Variants in ZNF544 observed in about 807,000 individuals in gnomAD.
ZNF544 encodes the protein zinc finger protein AF020591.
Under a neutral mutation model 13.5 loss-of-function variants are expected in ZNF544, and 10 were observed. The ratio of observed to expected loss-of-function variants is 0.74; its 90% CI spans 0.46 to 1.25. The LOEUF (loss-of-function observed/expected upper bound fraction) is 1.25. ZNF544 is among the 50% of genes most tolerant of loss of function. The pLI is 0.00. For missense variants in ZNF544, 896 were observed against 845.6 expected (o/e 1.06, Z -0.74); for synonymous variants, 323 against 300.5 (o/e 1.07, Z -0.77).
chr19:58,237,913 C>G (rs1356437848), intron 3 of ZNF544, among the ~76,000 whole-genome samples: 1 of 152,186 alleles, frequency 6.6e-6, no homozygotes, highest in African/African-American at 2.4e-5. Flanking sequence ...TTCCATGAGA[C>G]TGACAGACGT....
At chr19:58,245,671 A>G (rs56318718) in intron 4 of ZNF544, 1 of 158,266 alleles carries the variant, frequency 6.3e-6, no homozygotes, top group African/African-American at 2.4e-5. Flanking sequence ...AGTTTATTCT[A>G]TAGCATTAGC....
In ZNF544 at chr19:58,263,610, TCTAGC is replaced by T. The variant is rs1312239282; in HGVS notation, c.*858_*862del. 1 of 979,416 alleles carries T rather than the reference TCTAGC, an allele frequency of 1.0e-6. No individual in the cohort carries two copies. The highest frequency in any genetic ancestry group is 6.1e-5 in the Admixed American group (1 of 16,262). 60.7% of individuals were successfully genotyped at this position (979,416 alleles called of 1,614,324 possible). A position where few individuals can be genotyped will look rare whatever the true frequency, so the allele number is the denominator to read the frequency against. ...TGAAACTGTGTATTACCAAGCTCAC[TCTAGC>T]CAACTAAATAAAAATCTCTGGCAGT... On this transcript the variant is annotated 3_prime_UTR_variant, in exon 7 of 7. Transcript: ENST00000687789.
Position 58,262,431 on chromosome 19 carries a change from T to C in ZNF544, c.1825T>C (p.Cys609Arg), listed in dbSNP as rs748582349. 5.1e-5 allele frequency: 82 copies of C among 1,613,960 alleles called. No individual in the cohort carries two copies. Among genetic ancestry groups the C allele is most frequent in the Non-Finnish European group, 6.7e-5 (79 of 1,180,018 alleles). ...TGEKPYECNE[C>R]GKAFNRSTQL... The stretch of plus-strand genomic sequence containing the variant: ...AGAAAAGCCCTATGAATGTAACGAG[T>C]GTGGAAAAGCCTTCAATCGAAGCAC... The change falls in exon 7 of 7, where the codon TGT becomes CGT. Residue 609 changes from cysteine to arginine, a missense_variant. Physicochemically the swap from Cys to Arg is radical, Grantham distance 180. Coordinates refer to ENST00000687789, the MANE Select transcript of ZNF544 (RefSeq NM_014480.4).
intron 6 of ZNF544, chr19:58,251,366 G>T (rs767996991): frequency 1.9e-6 from 1 of 518,956 alleles, no homozygotes; most frequent in Non-Finnish European, 3.8e-6. Context: ...TCAGGTTCCC[G>T]GTCTGGGACT....
At chr19:58,236,694 T>G (rs2042464144) in intron 3 of ZNF544, among the ~76,000 whole-genome samples, 1 of 151,884 alleles carries the variant, frequency 6.6e-6, no homozygotes, top group Non-Finnish European at 1.5e-5. Flanking sequence ...CTGTAGACCT[T>G]ATTTAGCATT....
rs1568460699 is a variant in ZNF544, at chr19:58,241,162, A to ATAT, written c.-59-2803_-59-2802insTAT. ...AATTTAAAATATATATATATATTTA[A>ATAT]ATATATATATATATATATTTTTTTT... On this transcript the variant is annotated intron_variant, in intron 3 of 6. Transcript: ENST00000687789. Among the ~76,000 whole-genome samples, 169 of 89,068 alleles carry ATAT rather than the reference A, an allele frequency of 1.9e-3. 9 individuals carry two copies. Among genetic ancestry groups the ATAT allele is most frequent in the East Asian group, 5.8e-3 (14 of 2,414 alleles). 58.4% of individuals were successfully genotyped at this position (89,068 alleles called of 152,430 possible). A position where few individuals can be genotyped will look rare whatever the true frequency, so the allele number is the denominator to read the frequency against.
intron 6 of ZNF544, chr19:58,258,516 G>A (rs1218249467): frequency 6.1e-5 from 6 of 98,750 alleles, no homozygotes; most frequent in African/African-American, 2.9e-4. Context: ...GGTGCTGGGT[G>A]TGAGGGCACC....
At chr19:58,268,588 T>C (rs2050226494), downstream of ZNF544, among the ~76,000 whole-genome samples, 1 of 152,232 alleles carries the variant, frequency 6.6e-6, no homozygotes, top group Non-Finnish European at 1.5e-5. Context: ...TTTTATTCCT[T>C]AGGCAGTTTG....
chr19:58,243,965 A>C lies in ZNF544; in HGVS notation c.-59A>C. On this transcript the variant is annotated splice_region_variant and 5_prime_UTR_variant, in exon 4 of 7. Transcript: ENST00000687789. Reference sequence around the variant, plus strand: ...AATCTCTGCTTGTTTTCCACCCCAGACTGGTCTTCTGAGGACCTCTGCCCT... The same window carrying C: ...AATCTCTGCTTGTTTTCCACCCCAGCCTGGTCTTCTGAGGACCTCTGCCCT... 6.4e-7 allele frequency: 1 copy of C among 1,567,174 alleles called. No individual in the cohort carries two copies. The highest frequency in any genetic ancestry group is 8.7e-7 in the Non-Finnish European group (1 of 1,155,308).
chr19:58,260,890 A>G lies in ZNF544; in HGVS notation c.284A>G (p.Glu95Gly), dbSNP rs1168618195. 11 of 1,610,554 alleles carry G rather than the reference A, an allele frequency of 6.8e-6. No homozygotes were observed. The highest frequency in any genetic ancestry group is 9.3e-6 in the Non-Finnish European group (11 of 1,178,932). The change falls in exon 7 of 7, where the codon GAA becomes GGA. Residue 95 changes from glutamate (E) to glycine (G), a missense_variant. By Grantham distance (98) the Glu-to-Gly change is moderately conservative. Coordinates refer to ENST00000687789, the MANE Select transcript of ZNF544 (RefSeq NM_014480.4). ...ATLEENRLNSEKDRAREELSH... is the reference protein window; with the variant it reads ...ATLEENRLNSGKDRAREELSH... Reference sequence around the variant, plus strand: ...CTTGAGGAGAATAGGTTGAATTCTGAAAAAGATCGAGCTAGGGAAGAACTA... The same window carrying G: ...CTTGAGGAGAATAGGTTGAATTCTGGAAAAGATCGAGCTAGGGAAGAACTA...
intron 6 of ZNF544, among the ~76,000 whole-genome samples, chr19:58,252,974 C>T (rs1485717674): frequency 6.6e-6 from 1 of 152,198 alleles, no homozygotes; most frequent in African/African-American, 2.4e-5. Flanking sequence ...CACGTGCCGC[C>T]ACACCCAGCT....
rs1340966675 is a variant in ZNF544 at position 58,261,917 on chromosome 19, G to A, written c.1311G>A (p.Gln437=). ...QRIHTGEKPY[Q]CIECRKSFRW... ...TTCACACTGGAGAAAAACCGTATCA[G>A]TGTATTGAATGCAGAAAATCCTTCA... The change falls in exon 7 of 7, where the codon CAG becomes CAA. Residue 437 remains glutamine (Q), a synonymous_variant. Coordinates refer to ENST00000687789, the MANE Select transcript of ZNF544 (RefSeq NM_014480.4). 3 of 1,613,430 alleles carry A rather than the reference G, an allele frequency of 1.9e-6. No individual in the cohort carries two copies. Among genetic ancestry groups the A allele is most frequent in the Non-Finnish European group, 2.5e-6 (3 of 1,179,912 alleles).
intron 3 of ZNF544, among the ~76,000 whole-genome samples, chr19:58,241,168 T>TATATATATATTTAA (rs2043624142): frequency 5.6e-5 from 5 of 88,666 alleles, no homozygotes; most frequent in Admixed American, 2.8e-4. Flanking sequence ...TTTAAATATA[T>TATATATATATTTAA]ATATATATAT....
At chr19:58,238,586 TCA>T (rs1049263947) in intron 3 of ZNF544, among the ~76,000 whole-genome samples, 11 of 152,218 alleles carry the variant, frequency 7.2e-5, no homozygotes, top group South Asian at 2.1e-4. Flanking sequence ...AGCATCGATG[TCA>T]CAGGCTTCCA....
intron 3 of ZNF544, among the ~76,000 whole-genome samples, chr19:58,231,186 G>A (rs1015590202): frequency 6.6e-6 from 1 of 150,572 alleles, no homozygotes; most frequent in Non-Finnish European, 1.5e-5. Context: ...TTAAGAAAAA[G>A]AACAGGGGCA....
At chr19:58,270,993 C>T (rs2050564154) in intron 5 of ZNF544, among the ~76,000 whole-genome samples, 1 of 151,824 alleles carries the variant, frequency 6.6e-6, no homozygotes. Context: ...GGGTGGATCA[C>T]CTGAGGTCAG....
downstream of ZNF544, chr19:58,263,986 T>C (rs1265874215): frequency 6.6e-6 from 1 of 151,924 alleles, no homozygotes; most frequent in Non-Finnish European, 1.5e-5. Context: ...TCCCAGCTAC[T>C]CAGGAGGCTG....
chr19:58,268,247 C>G (rs189460658), downstream of ZNF544, among the ~76,000 whole-genome samples: 1 of 151,836 alleles, frequency 6.6e-6, no homozygotes, highest in African/African-American at 2.4e-5. Context: ...TGCAGTGAGC[C>G]GAGGTCTAGT....
chr19:58,251,421 T>G lies in ZNF544; in HGVS notation c.244+4627T>G, dbSNP rs193256709. ...CACCAGAAAGATGTATCCAACTATC[T>G]AATCCTAGTACTTTGACCCCAGAAG... is the stretch of plus-strand genomic sequence containing the variant. On this transcript the variant is annotated intron_variant, in intron 6 of 6. Transcript: ENST00000687789. 7.8e-4 allele frequency: 402 copies of G among 518,228 alleles called. 1 individual carries two copies. Among genetic ancestry groups the G allele is most frequent in the Non-Finnish European group, 2.2e-4 (58 of 259,482 alleles). The allele number at this position is 518,228 out of a possible 1,614,324, so 32.1% of individuals were successfully genotyped here. A position where few individuals can be genotyped will look rare whatever the true frequency, so the allele number is the denominator to read the frequency against.
Sources: gnomAD v4.1 joint callset for allele counts (sites outside exome capture counted in the v4.1 genomes callset) on GRCh38, gnomAD v4.1.1 for gene constraint, MANE v1.5 for transcripts, NCBI Gene and HGNC (gene_info 2026-07-23, HGNC 2026-07-21) for gene names.